The following MYEF2 variants were observed in gnomAD, a reference collection of about 807,000 sequenced individuals.
The protein encoded by MYEF2 is myelin gene expression factor 2.
MYEF2 carries 37 observed loss-of-function variants against 75.2 expected under a neutral mutation model. The ratio of observed to expected loss-of-function variants is 0.49; its 90% CI spans 0.38 to 0.65. The LOEUF is 0.65. MYEF2 is among the 30% of genes least tolerant of loss of function. The probability of loss-of-function intolerance (pLI) is 0.00; values close to 1 mark genes in which losing one functional copy is unlikely to be tolerated. For missense variants in MYEF2, 634 were observed against 771.4 expected (o/e 0.82, Z 2.11); for synonymous variants, 195 against 241.6 (o/e 0.81, Z 1.79).
chr15:48,138,877 CTAATT>C lies in MYEF2; in HGVS notation c.*4026_*4030del. ...AACAGCCTTTTAAAAACTGATACAGCTAATTTATTTCAATATAACTTTCTAAATAG... is the reference window on the plus strand; with the variant it reads ...AACAGCCTTTTAAAAACTGATACAGCTATTTCAATATAACTTTCTAAATAG... On this transcript the variant is annotated 3_prime_UTR_variant, in exon 17 of 17. Coordinates refer to ENST00000324324, the MANE Select transcript of MYEF2 (RefSeq NM_016132.5). 1.1e-6 allele frequency: 1 copy of C among 920,844 alleles called. No homozygotes were observed. The highest frequency in any genetic ancestry group is 2.5e-5 in the East Asian group (1 of 39,936). 57.0% of individuals were successfully genotyped at this position (920,844 alleles called of 1,614,324 possible).
chr15:48,136,430 C>A lies in MYEF2; in HGVS notation c.*6478G>T. On this transcript the variant is annotated 3_prime_UTR_variant, in exon 17 of 17. Transcript: ENST00000324324. ...ATACCTATCATTTGGAAGGAATCTA[C>A]AAGTAAAAACGAGTTTGTTGATCTT... 1 of 326,092 alleles carries A rather than the reference C, an allele frequency of 3.1e-6. No homozygotes were observed. 20.2% of individuals were successfully genotyped at this position (326,092 alleles called of 1,614,324 possible). A position where few individuals can be genotyped will look rare whatever the true frequency, so the allele number is the denominator to read the frequency against.
At chr15:48,161,285 C>T (rs2039933210) in intron 5 of MYEF2, among the ~76,000 whole-genome samples, 1 of 151,896 alleles carries the variant, frequency 6.6e-6, no homozygotes, top group Non-Finnish European at 1.5e-5. Flanking sequence ...TTTGGAGGGC[C>T]TACAATAGCA....
chr15:48,151,185 G>A lies in MYEF2; in HGVS notation c.1307-14C>T, dbSNP rs2039479962. 12 of 1,596,238 alleles carry A rather than the reference G, an allele frequency of 7.5e-6. No individual in the cohort carries two copies. In the East Asian group the frequency reaches 2.5e-4, roughly 33 times the overall value. On this transcript the variant is annotated splice_polypyrimidine_tract_variant and intron_variant, in intron 13 of 16. Transcript: ENST00000324324. Reference sequence around the variant, plus strand: ...TCATTGCACTGCCTAAACAAGGATGGAAAGATAATATACTAATTAATTTTA... The same window carrying A: ...TCATTGCACTGCCTAAACAAGGATGAAAAGATAATATACTAATTAATTTTA...
chr15:48,149,373 T>C lies in MYEF2; in HGVS notation c.1379-2A>G, dbSNP rs1203393482. ...TGTTCATGCTACCCATTCCACCACCTGGATTTTCAAGAAAGGACGGGGGGA... is the reference window on the plus strand; with the variant it reads ...TGTTCATGCTACCCATTCCACCACCCGGATTTTCAAGAAAGGACGGGGGGA... On this transcript the variant is annotated splice_acceptor_variant, in intron 14 of 16. Transcript: ENST00000324324. LOFTEE classifies it high-confidence loss of function. This position sits in a 1 kb window ranked among gnomAD's most constrained non-coding sequence, Gnocchi z 4.0. The C allele has an allele frequency of 6.2e-7, 1 of 1,611,954 alleles. No individual in the cohort carries two copies. The highest frequency in any genetic ancestry group is 1.1e-5 in the South Asian group (1 of 90,856).
In MYEF2 at chr15:48,142,166, T is replaced by A. The variant is rs1208826820; in HGVS notation, c.*742A>T. Reference sequence around the variant, plus strand: ...AGAAGTAAACAGCAGAGGACTAACTTACATAACCATCTCTCTCAACATTTC... The same window carrying A: ...AGAAGTAAACAGCAGAGGACTAACTAACATAACCATCTCTCTCAACATTTC... On this transcript the variant is annotated 3_prime_UTR_variant, in exon 17 of 17. Coordinates refer to ENST00000324324, the MANE Select transcript of MYEF2 (RefSeq NM_016132.5). 4 of 1,613,756 alleles carry A rather than the reference T, an allele frequency of 2.5e-6. No individual in the cohort carries two copies. The highest frequency in any genetic ancestry group is 2.5e-6 in the Non-Finnish European group (3 of 1,179,898).
At chr15:48,144,178 A>T (rs1212454798) in intron 16 of MYEF2, among the ~76,000 whole-genome samples, 3 of 151,810 alleles carry the variant, frequency 2.0e-5, no homozygotes, top group Non-Finnish European at 4.4e-5. Context: ...GGAGGAGAAA[A>T]AAAAGGAGAA....
intron 10 of MYEF2, chr15:48,152,624 A>G: frequency 4.3e-6 from 1 of 230,682 alleles, no homozygotes; most frequent in Non-Finnish European, 8.3e-6. Flanking sequence ...TTTTTTTTCC[A>G]GCATAGACAC....
intron 14 of MYEF2, 101 bp downstream of exon 14, chr15:48,150,999 G>T: frequency 1.5e-6 from 1 of 662,454 alleles, no homozygotes; most frequent in Non-Finnish European, 2.5e-6. Context: ...ACACATTAAC[G>T]TATAAGAACA....
Position 48,158,916 on chromosome 15 carries a change from A to C in MYEF2, c.724T>G (p.Phe242Val), listed in dbSNP as rs771914353. 2 of 1,613,144 alleles carry C rather than the reference A, an allele frequency of 1.2e-6. No individual in the cohort carries two copies. Among genetic ancestry groups the C allele is most frequent in the Non-Finnish European group, 1.7e-6 (2 of 1,179,488 alleles). Residue 242 changes from phenylalanine to valine, a missense_variant, in exon 7 of 17, where the codon TTC becomes GTC. Physicochemically the swap from Phe to Val is conservative, Grantham distance 50. Coordinates refer to ENST00000324324, the MANE Select transcript of MYEF2 (RefSeq NM_016132.5). ...GSTIFVANLD[F>V]KVGWKKLKEV... ...TTTAGCTTCTTCCAACCAACTTTGA[A>C]GTCAAGCTTAATATAAAATTGTATA...
chr15:48,153,707 A>G, intron 10 of MYEF2, 85 bp downstream of exon 10: 1 of 1,091,042 alleles, frequency 9.2e-7, no homozygotes, highest in Non-Finnish European at 1.4e-6. Flanking sequence ...AGTCCTTTAA[A>G]CATTATTACA....
At chr15:48,147,067 G>A (rs904880286) in intron 16 of MYEF2, among the ~76,000 whole-genome samples, 6 of 151,612 alleles carry the variant, frequency 4.0e-5, no homozygotes, top group Non-Finnish European at 7.4e-5. Flanking sequence ...AATTATAATC[G>A]AAAAAGGATT....
intron 16 of MYEF2, among the ~76,000 whole-genome samples, chr15:48,145,774 CAT>C (rs2039259252): frequency 6.6e-6 from 1 of 151,776 alleles, no homozygotes; most frequent in Admixed American, 6.6e-5. Context: ...GATAAGAAAA[CAT>C]AATAAGGATA....
At chr15:48,173,099 A>G (rs1394947151) in intron 1 of MYEF2, among the ~76,000 whole-genome samples, 1 of 152,224 alleles carries the variant, frequency 6.6e-6, no homozygotes, top group Non-Finnish European at 1.5e-5. Flanking sequence ...AATTCTCAAC[A>G]AAATACTAGC....
chr15:48,159,512 G>C, intron 6 of MYEF2, 101 bp downstream of exon 6: 1 of 1,073,654 alleles, frequency 9.3e-7, no homozygotes, highest in Non-Finnish European at 1.4e-6. Context: ...ACTTACTTTA[G>C]TTAAAAATAA....
chr15:48,151,366 G>A, intron 13 of MYEF2, 107 bp downstream of exon 13: 1 of 1,146,204 alleles, frequency 8.7e-7, no homozygotes, highest in South Asian at 1.3e-5. Flanking sequence ...CAGGTAATAA[G>A]TTGTATAAAA....
intron 5 of MYEF2, among the ~76,000 whole-genome samples, chr15:48,164,137 T>C (rs1048904211): frequency 2.0e-5 from 3 of 152,124 alleles, no homozygotes; most frequent in Admixed American, 2.0e-4. Context: ...GCAAAGTAAA[T>C]TAAAAACCTT....
chr15:48,164,374 T>C (rs1367375192), intron 5 of MYEF2, among the ~76,000 whole-genome samples: 1 of 152,140 alleles, frequency 6.6e-6, no homozygotes, highest in East Asian at 1.9e-4. Flanking sequence ...TGTAAACTCA[T>C]GATAAAACCT....
intron 1 of MYEF2, among the ~76,000 whole-genome samples, chr15:48,174,992 T>C (rs1164629282): frequency 6.6e-6 from 1 of 152,154 alleles, no homozygotes; most frequent in Non-Finnish European, 1.5e-5. Flanking sequence ...CACTCCCATG[T>C]TCGCTGCATC....
chr15:48,167,426 A>G, intron 2 of MYEF2, 25 bp from the exon 3 acceptor site: 1 of 1,609,166 alleles, frequency 6.2e-7, no homozygotes, highest in Non-Finnish European at 8.5e-7. Context: ...CAAAAGGAAG[A>G]TACCAAGAAA....
Sources: allele counts gnomAD v4.1 joint callset (sites outside exome capture counted in the v4.1 genomes callset), GRCh38; gene constraint gnomAD v4.1.1; non-coding constraint Gnocchi (gnomAD v3.1); transcripts MANE v1.5; gene names NCBI Gene and HGNC (gene_info 2026-07-23, HGNC 2026-07-21).